Variants in ACTN2 observed in about 807,000 individuals in gnomAD.
ACTN2 encodes the protein actinin alpha 2.
ACTN2 carries 39 observed loss-of-function variants against 113.8 expected under a neutral mutation model. That is an observed-to-expected ratio of 0.34 (90% CI 0.27 to 0.45). The LOEUF is 0.45. Among genes scored for constraint, ACTN2 ranks in the 20% least tolerant of loss-of-function variants. ACTN2 has a pLI of 1.00. For synonymous variants in ACTN2, 429 were observed against 444.1 expected (o/e 0.97, Z 0.43); for missense variants, 992 against 1,177.9 (o/e 0.84, Z 2.31).
intron 12 of ACTN2, among the ~76,000 whole-genome samples, chr1:236,745,811 T>C (rs1387480990): frequency 6.6e-6 from 1 of 152,182 alleles, no homozygotes; most frequent in Non-Finnish European, 1.5e-5. Flanking sequence ...GCCTGTCACA[T>C]AATGGTAACT....
intron 1 of ACTN2, among the ~76,000 whole-genome samples, chr1:236,707,216 G>A (rs1424990046): frequency 6.6e-6 from 1 of 152,238 alleles, no homozygotes; most frequent in East Asian, 1.9e-4. Context: ...ATGAAGATAT[G>A]TTAATGATGC....
At chr1:236,690,630 G>A (rs1001295114) in intron 1 of ACTN2, among the ~76,000 whole-genome samples, 7 of 152,166 alleles carry the variant, frequency 4.6e-5, no homozygotes, top group Non-Finnish European at 7.3e-5. Flanking sequence ...ATCTGTAAAT[G>A]TTCAAATATT....
intron 1 of ACTN2, among the ~76,000 whole-genome samples, chr1:236,688,334 C>A (rs1422163156): frequency 6.7e-6 from 1 of 150,032 alleles, no homozygotes; most frequent in South Asian, 2.1e-4. Flanking sequence ...GTCTGCCCAT[C>A]ATTTTTGAAA....
chr1:236,710,693 G>T (rs1189089903), intron 1 of ACTN2, among the ~76,000 whole-genome samples: 1 of 152,202 alleles, frequency 6.6e-6, no homozygotes, highest in Non-Finnish European at 1.5e-5. Flanking sequence ...ATGACCAAGT[G>T]AGCAGAAGCT....
chr1:236,754,848 G>A lies in ACTN2; in HGVS notation c.1975-171G>A, dbSNP rs1417573363. ...AGAACTAGACCTTGTTTTGTTCTGC[G>A]ATGCTACCCAGTCCCCACTTCCTCT... On this transcript the variant is annotated intron_variant, in intron 16 of 20. Transcript: ENST00000366578. This position sits in a 1 kb window ranked among gnomAD's most constrained non-coding sequence, Gnocchi z 4.9. 2.0e-5 allele frequency among the ~76,000 whole-genome samples: 3 copies of A among 152,290 alleles called. No homozygotes were observed. The highest frequency in any genetic ancestry group is 4.1e-4 in the South Asian group (2 of 4,826).
intron 20 of ACTN2, among the ~76,000 whole-genome samples, chr1:236,761,429 T>TTGAG (rs768102689): frequency 1.7e-5 from 1 of 58,858 alleles, no homozygotes; most frequent in African/African-American, 5.9e-5. Context: ...GTATTTGTAC[T>TTGAG]TGCGTGTGTG....
In ACTN2 at chr1:236,686,590, C is replaced by CGCCGCCT; in HGVS notation, c.-83_-77dup. On this transcript the variant is annotated 5_prime_UTR_variant, in exon 1 of 21. Coordinates refer to ENST00000366578, the MANE Select transcript of ACTN2 (RefSeq NM_001103.4). ...CACCCCGCGCCCGCCGCCCGCCGCC[C>CGCCGCCT]GCCGCCTCCGTGGGTCCGTTTGCCA... 1 of 1,401,610 alleles carries CGCCGCCT rather than the reference C, an allele frequency of 7.1e-7. No homozygotes were observed. The highest frequency in any genetic ancestry group is 9.3e-7 in the Non-Finnish European group (1 of 1,079,876). 86.8% of individuals were successfully genotyped at this position (1,401,610 alleles called of 1,614,324 possible).
At chr1:236,724,481 C>T (rs1658489927) in intron 4 of ACTN2, among the ~76,000 whole-genome samples, 1 of 152,214 alleles carries the variant, frequency 6.6e-6, no homozygotes, top group Non-Finnish European at 1.5e-5. Context: ...AGCCTTCAGA[C>T]CAGAGCTCCT....
chr1:236,687,450 T>A (rs707221), intron 1 of ACTN2, among the ~76,000 whole-genome samples: 24,607 of 152,152 alleles, frequency 0.16, 2,570 homozygotes, highest in African/African-American at 0.29. Context: ...ACATTCCACT[T>A]TTTCAAGGTT....
chr1:236,724,424 A>G (rs1467107203), intron 4 of ACTN2, among the ~76,000 whole-genome samples: 2 of 152,228 alleles, frequency 1.3e-5, no homozygotes, highest in East Asian at 1.9e-4. Flanking sequence ...TTTTTTGGGG[A>G]AAATGCCTAT....
At chr1:236,736,988 G>A (rs988328831) in intron 8 of ACTN2, 134 bp from the exon 9 acceptor site, 2 of 710,246 alleles carry the variant, frequency 2.8e-6, no homozygotes, top group Non-Finnish European at 5.1e-6. Flanking sequence ...CAGTCTGACC[G>A]CACCCTAAGC....
chr1:236,723,030 C>G (rs1658447514), intron 4 of ACTN2, among the ~76,000 whole-genome samples: 1 of 152,216 alleles, frequency 6.6e-6, no homozygotes, highest in South Asian at 2.1e-4. Context: ...AGTGTTCACA[C>G]ATATTCAGGC....
intron 12 of ACTN2, 151 bp from the exon 13 acceptor site, chr1:236,747,516 C>T: frequency 1.5e-6 from 1 of 674,434 alleles, no homozygotes; most frequent in Non-Finnish European, 2.6e-6. Flanking sequence ...TCTGAGCCTC[C>T]ACTGTCTATC....
At chr1:236,753,718 G>A (rs1206946590) in intron 15 of ACTN2, among the ~76,000 whole-genome samples, 1 of 151,974 alleles carries the variant, frequency 6.6e-6, no homozygotes, top group African/African-American at 2.4e-5. Context: ...CTTTCAGCAG[G>A]CACTTGGTGG....
At chr1:236,740,601 C>T (rs981831122) in intron 10 of ACTN2, among the ~76,000 whole-genome samples, 8 of 152,042 alleles carry the variant, frequency 5.3e-5, no homozygotes, top group East Asian at 1.9e-4. Context: ...GGCACGATCT[C>T]GGCTCACTGC....
intron 7 of ACTN2, among the ~76,000 whole-genome samples, chr1:236,731,702 A>G (rs866084347): frequency 1.1e-4 from 16 of 152,254 alleles, no homozygotes; most frequent in Admixed American, 3.3e-4. Context: ...CCTTTGTGAC[A>G]TACTTAAGAG....
Position 236,749,154 on chromosome 1 carries a change from C to T in ACTN2, c.1546C>T (p.Gln516Ter), listed in dbSNP as rs866517704. The T allele has an allele frequency of 6.2e-7, 1 of 1,614,038 alleles. No individual in the cohort carries two copies. The highest frequency in any genetic ancestry group is 1.3e-5 in the African/African-American group (1 of 74,918). Residue 516 changes from glutamine (Q) to a stop codon, truncating the protein, a stop_gained, in exon 14 of 21, where the codon CAG becomes TAG. Coordinates refer to ENST00000366578, the MANE Select transcript of ACTN2 (RefSeq NM_001103.4). LOFTEE classifies it high-confidence loss of function. ...GGAGAAATTGCTAGAAACCATTGAT[C>T]AGCTTCACCTGGAGTTTGCCAAGAG... Reference protein sequence around the residue: ...RMEKLLETIDQLHLEFAKRAA... With the variant: ...RMEKLLETID
intron 19 of ACTN2, among the ~76,000 whole-genome samples, chr1:236,760,482 G>A (rs1340888053): frequency 6.6e-6 from 1 of 152,178 alleles, no homozygotes; most frequent in Non-Finnish European, 1.5e-5. Context: ...GGTAAAAAAG[G>A]TTTAGTCGTA....
chr1:236,695,563 T>TGCC (rs1553296741), intron 1 of ACTN2, among the ~76,000 whole-genome samples: 1 of 100,794 alleles, frequency 9.9e-6, no homozygotes, highest in Non-Finnish European at 1.9e-5. Flanking sequence ...TGAAATGAGT[T>TGCC]CCCCCCCCCT....
Sources: gnomAD v4.1 joint callset for allele counts (sites outside exome capture counted in the v4.1 genomes callset) on GRCh38, gnomAD v4.1.1 for gene constraint, Gnocchi (gnomAD v3.1) non-coding constraint, MANE v1.5 for transcripts, NCBI Gene and HGNC (gene_info 2026-07-23, HGNC 2026-07-21) for gene names.